The following LRRTM4 variants were observed in gnomAD, a reference collection of about 807,000 sequenced individuals.
The protein encoded by LRRTM4 is leucine-rich repeat transmembrane neuronal protein 4.
LRRTM4 carries 25 observed loss-of-function variants against 47.6 expected under a neutral mutation model. The ratio of observed to expected loss-of-function variants is 0.53; its 90% CI spans 0.38 to 0.73. The LOEUF is 0.73. LRRTM4 is among the 30% of genes least tolerant of loss of function. The pLI, the probability that LRRTM4 is intolerant of heterozygous loss-of-function variation, is 0.00. For synonymous variants in LRRTM4, 311 were observed against 269.5 expected (o/e 1.15, Z -1.51); for missense variants, 638 against 713.4 (o/e 0.89, Z 1.20).
chr2:77,449,547 G>T (rs778914686), intron 3 of LRRTM4, among the ~76,000 whole-genome samples: 19 of 152,066 alleles, frequency 1.2e-4, no homozygotes, highest in Non-Finnish European at 2.6e-4. Context: ...AAAGTACCAG[G>T]CTCATTTCCC....
chr2:77,390,596 T>G lies in LRRTM4; in HGVS notation c.1551+127722A>C, dbSNP rs148342799. 1.1e-3 allele frequency among the ~76,000 whole-genome samples: 170 copies of G among 151,984 alleles called. 1 individual carries two copies. The highest frequency in any genetic ancestry group is 3.1e-4 in the Non-Finnish European group (21 of 67,912). On this transcript the variant is annotated intron_variant, in intron 3 of 3. Transcript: ENST00000409884. ...AACAATAACAACAAAATGTTCTTTGTATTCTAGAAAGGACAAATTATAAAT... is the reference window on the plus strand; with the variant it reads ...AACAATAACAACAAAATGTTCTTTGGATTCTAGAAAGGACAAATTATAAAT...
chr2:77,231,628 A>T (rs1674969009), intron 3 of LRRTM4, among the ~76,000 whole-genome samples: 1 of 152,160 alleles, frequency 6.6e-6, no homozygotes, highest in Non-Finnish European at 1.5e-5. Context: ...TATATAGAGG[A>T]GAAATTCATT....
intron 3 of LRRTM4, among the ~76,000 whole-genome samples, chr2:77,075,999 C>T (rs1443909016): frequency 6.7e-6 from 1 of 148,422 alleles, no homozygotes; most frequent in East Asian, 2.0e-4. Context: ...AAGTCTGATG[C>T]AGAATCCTTT....
chr2:76,806,326 A>C (rs1362833889), intron 3 of LRRTM4, among the ~76,000 whole-genome samples: 1 of 152,192 alleles, frequency 6.6e-6, no homozygotes, highest in African/African-American at 2.4e-5. Context: ...TCACACCTGT[A>C]ATCTCAGCAC....
intron 3 of LRRTM4, among the ~76,000 whole-genome samples, chr2:76,795,981 G>A (rs1203963011): frequency 2.0e-5 from 3 of 146,490 alleles, no homozygotes; most frequent in African/African-American, 5.2e-5. Flanking sequence ...GCCGAAGCAG[G>A]GCGAGGCATT....
intron 3 of LRRTM4, among the ~76,000 whole-genome samples, chr2:77,262,942 T>C (rs887446686): frequency 6.6e-6 from 1 of 152,076 alleles, no homozygotes; most frequent in Non-Finnish European, 1.5e-5. Context: ...ATCAATGAAG[T>C]AGCTTTTGAA....
intron 3 of LRRTM4, among the ~76,000 whole-genome samples, chr2:77,125,821 C>T (rs750457380): frequency 6.6e-6 from 1 of 151,382 alleles, no homozygotes; most frequent in African/African-American, 2.4e-5. Flanking sequence ...AGTAACAGAG[C>T]CCTAAATTTA....
chr2:77,089,004 C>T (rs971628256), intron 3 of LRRTM4, among the ~76,000 whole-genome samples: 31 of 152,104 alleles, frequency 2.0e-4, no homozygotes, highest in Admixed American at 9.8e-4. Context: ...GCGCCGGTCA[C>T]GGACTGGGAA....
At chr2:76,934,152 G>A (rs991782685) in intron 3 of LRRTM4, among the ~76,000 whole-genome samples, 1 of 151,948 alleles carries the variant, frequency 6.6e-6, no homozygotes, top group African/African-American at 2.4e-5. Flanking sequence ...TAAATAAATG[G>A]GTCTCTATGC....
intron 3 of LRRTM4, among the ~76,000 whole-genome samples, chr2:77,247,623 C>T (rs1220679929): frequency 6.6e-6 from 1 of 152,054 alleles, no homozygotes; most frequent in East Asian, 1.9e-4. Context: ...TTTTTCATAA[C>T]TTAGTTGCTC....
intron 3 of LRRTM4, among the ~76,000 whole-genome samples, chr2:77,113,174 T>G (rs1671296204): frequency 6.6e-6 from 1 of 151,974 alleles, no homozygotes; most frequent in Non-Finnish European, 1.5e-5. Flanking sequence ...CCTGAGTAAT[T>G]AGAATGCCAT....
At chr2:77,477,611 G>C (rs34316726) in intron 3 of LRRTM4, among the ~76,000 whole-genome samples, 516 of 152,082 alleles carry the variant, frequency 3.4e-3, no homozygotes, top group Middle Eastern at 6.8e-3. Flanking sequence ...GGGAGGCCGA[G>C]GTGGACGGAT....
At position 76,987,306 on chromosome 2, in the gene LRRTM4, A is replaced by G. The variant is rs1037963382; in HGVS notation, c.1552-238390T>C. On this transcript the variant is annotated intron_variant, in intron 3 of 3. Transcript: ENST00000409884. ...CAAACTTCACCTGGTGACAAAGTGC[A>G]CACTTTTCAGGATTAAATAATTTAT... 10 of 150,464 alleles carry G rather than the reference A, an allele frequency of 6.6e-5. No individual in the cohort carries two copies. The South Asian group carries it at 2.1e-3, about 31-fold the overall frequency. 9.3% of individuals were successfully genotyped at this position (150,464 alleles called of 1,614,324 possible). A position where few individuals can be genotyped will look rare whatever the true frequency, so the allele number is the denominator to read the frequency against.
At chr2:77,401,125 A>G (rs1028041855) in intron 3 of LRRTM4, among the ~76,000 whole-genome samples, 1 of 151,970 alleles carries the variant, frequency 6.6e-6, no homozygotes, top group Admixed American at 6.6e-5. Context: ...TGCATGGTCT[A>G]GAAGAGTTCT....
At chr2:77,251,256 T>TAG (rs1204429372) in intron 3 of LRRTM4, among the ~76,000 whole-genome samples, 1 of 145,890 alleles carries the variant, frequency 6.9e-6, no homozygotes, top group Non-Finnish European at 1.5e-5. Context: ...TGTGTATATA[T>TAG]ATATACACAC....
At chr2:77,258,398 G>T (rs977266991) in intron 3 of LRRTM4, among the ~76,000 whole-genome samples, 1 of 152,020 alleles carries the variant, frequency 6.6e-6, no homozygotes, top group Non-Finnish European at 1.5e-5. Context: ...GTGGTTTCAT[G>T]AATGTACTCA....
chr2:76,974,171 TACATATATATACATACATATATATAC>T (rs1558771472), intron 3 of LRRTM4, among the ~76,000 whole-genome samples: 33 of 80,644 alleles, frequency 4.1e-4, no homozygotes, highest in African/African-American at 2.4e-3. Flanking sequence ...TATATATACA[TACATATATATACATACATATATATAC>T]ATATATATAT....
intron 3 of LRRTM4, among the ~76,000 whole-genome samples, chr2:76,948,163 A>G (rs1463505009): frequency 1.5e-5 from 2 of 130,768 alleles, no homozygotes; most frequent in African/African-American, 3.9e-5. Context: ...AGTCTATTCA[A>G]TGACAAAAAA....
At position 76,816,819 on chromosome 2, in the gene LRRTM4, G is replaced by GTTTTT. The variant is rs201525166; in HGVS notation, c.1552-67908_1552-67904dup. Among the ~76,000 whole-genome samples, 265 of 96,376 alleles carry GTTTTT rather than the reference G, an allele frequency of 2.7e-3. 15 individuals carry two copies. Among genetic ancestry groups the GTTTTT allele is most frequent in the Non-Finnish European group, 4.5e-3 (180 of 39,828 alleles). The allele number at this position is 96,376 out of a possible 152,430, so 63.2% of individuals were successfully genotyped here. A position where few individuals can be genotyped will look rare whatever the true frequency, so the allele number is the denominator to read the frequency against. ...CACTGCTTTTACTTAGAGGTAAAGAGTTTTTTTTTTTTTTTTTTTTTTTTT... is the reference window on the plus strand; with the variant it reads ...CACTGCTTTTACTTAGAGGTAAAGAGTTTTTTTTTTTTTTTTTTTTTTTTTTTTTT... On this transcript the variant is annotated intron_variant, in intron 3 of 3. Transcript: ENST00000409884.
Sources: gnomAD v4.1 joint callset for allele counts (sites outside exome capture counted in the v4.1 genomes callset) on GRCh38, gnomAD v4.1.1 for gene constraint, MANE v1.5 for transcripts, NCBI Gene and HGNC (gene_info 2026-07-23, HGNC 2026-07-21) for gene names.